The following APBA2 variants were observed in gnomAD, a reference collection of about 807,000 sequenced individuals.
The protein encoded by APBA2 is amyloid beta precursor protein binding family A member 2.
Under a neutral mutation model 75.0 loss-of-function variants are expected in APBA2, and 30 were observed. That is an observed-to-expected ratio of 0.40 (90% confidence interval 0.30 to 0.54). APBA2 has a LOEUF of 0.54. Ranked by LOEUF, APBA2 falls within the 20% of genes least tolerant of loss-of-function variation. The probability of loss-of-function intolerance (pLI) is 0.49; values close to 1 mark genes in which losing one functional copy is unlikely to be tolerated. For synonymous variants in APBA2, 444 were observed against 409.6 expected (o/e 1.08, Z -1.01); for missense variants, 801 against 1,016.1 (o/e 0.79, Z 2.88).
Position 29,054,335 on chromosome 15 carries a change from G to T in APBA2, c.451G>T (p.Gly151Cys). Reference sequence around the variant, plus strand: ...GGACTCGGCGGGCCCGCACCCCCACGGCCACGAGGCTGAAGGCAGCCAGGA... The same window carrying T: ...GGACTCGGCGGGCCCGCACCCCCACTGCCACGAGGCTGAAGGCAGCCAGGA... ...WTDSAGPHPH[G>C]HEAEGSQDYP... The change falls in exon 4 of 15, where the codon GGC becomes TGC. Residue 151 changes from glycine to cysteine, a missense_variant. Around this residue, in one of 2 missense-constraint regions of APBA2, gnomAD observed 434 missense variants for 471.6 expected, o/e 0.92. Transcript: ENST00000683413. This position sits in a 1 kb window ranked among gnomAD's most constrained non-coding sequence, Gnocchi z 6.1. The T allele has an allele frequency of 6.2e-7, 1 of 1,613,992 alleles. No homozygotes were observed. Among genetic ancestry groups the T allele is most frequent in the Non-Finnish European group, 8.5e-7 (1 of 1,180,002 alleles).
chr15:28,906,820 C>T (rs899408020), intron 1 of APBA2, among the ~76,000 whole-genome samples: 1 of 152,128 alleles, frequency 6.6e-6, no homozygotes, highest in African/African-American at 2.4e-5. Context: ...TCATCCTTGC[C>T]TCTTTTCCTC....
chr15:29,063,865 G>C (rs535420971), intron 4 of APBA2, among the ~76,000 whole-genome samples: 1 of 152,168 alleles, frequency 6.6e-6, no homozygotes, highest in Non-Finnish European at 1.5e-5. Flanking sequence ...ACACAAAGGA[G>C]GTGGTGAGCC....
chr15:29,083,526 T>G (rs2152935675), intron 6 of APBA2, among the ~76,000 whole-genome samples: 1 of 152,302 alleles, frequency 6.6e-6, no homozygotes, highest in South Asian at 2.1e-4. Flanking sequence ...CTGCAAACTC[T>G]TTTGTTTGTT....
chr15:28,997,521 G>A (rs1244154232), intron 3 of APBA2, among the ~76,000 whole-genome samples: 1 of 152,176 alleles, frequency 6.6e-6, no homozygotes, highest in Admixed American at 6.5e-5. Flanking sequence ...AGTAAGGACA[G>A]CTTATGAAGG....
At chr15:28,951,579 G>GTT (rs58321244) in intron 2 of APBA2, among the ~76,000 whole-genome samples, 68 of 151,480 alleles carry the variant, frequency 4.5e-4, no homozygotes, top group African/African-American at 1.3e-3. Flanking sequence ...ATCTCCCATA[G>GTT]TTTTTTTTTA....
chr15:28,928,995 G>A (rs758986399), intron 2 of APBA2, among the ~76,000 whole-genome samples: 4 of 152,090 alleles, frequency 2.6e-5, no homozygotes, highest in Non-Finnish European at 5.9e-5. Context: ...CAGGGGGGCG[G>A]GTTGCAAACT....
intron 3 of APBA2, among the ~76,000 whole-genome samples, chr15:28,997,203 G>A (rs751977407): frequency 1.5e-4 from 23 of 152,180 alleles, no homozygotes; most frequent in African/African-American, 5.3e-4. Context: ...GTGGCTCTCC[G>A]TGGAGGGAGC....
chr15:28,936,614 C>G (rs2034887256), intron 2 of APBA2, among the ~76,000 whole-genome samples: 2 of 152,238 alleles, frequency 1.3e-5, no homozygotes, highest in African/African-American at 4.8e-5. Context: ...CTTTGTTCCT[C>G]TCTATCACTG....
At chr15:29,103,949 G>A (rs1356197081) in intron 10 of APBA2, among the ~76,000 whole-genome samples, 5 of 152,214 alleles carry the variant, frequency 3.3e-5, no homozygotes, top group African/African-American at 1.2e-4. Flanking sequence ...CGGGCGTCGC[G>A]CCTCCAGCTG....
intron 6 of APBA2, among the ~76,000 whole-genome samples, chr15:29,087,458 C>T (rs191684726): frequency 9.0e-4 from 137 of 152,308 alleles, no homozygotes; most frequent in Non-Finnish European, 1.5e-3. Context: ...AAGTTCAACA[C>T]TGTGGAACCC....
intron 9 of APBA2, among the ~76,000 whole-genome samples, chr15:29,099,522 A>G (rs1307209307): frequency 6.6e-6 from 1 of 152,244 alleles, no homozygotes; most frequent in Non-Finnish European, 1.5e-5. Context: ...TCTGCCTGGC[A>G]GCTACCAAAA....
intron 13 of APBA2, 46 bp from the exon 14 acceptor site, chr15:29,113,830 C>T (rs375018148): frequency 1.6e-5 from 24 of 1,548,250 alleles, no homozygotes; most frequent in South Asian, 3.7e-5. Context: ...GAGCGCCTGT[C>T]GGGTGTGGCG....
intron 4 of APBA2, among the ~76,000 whole-genome samples, chr15:29,072,247 G>C (rs938659032): frequency 3.3e-5 from 5 of 152,170 alleles, no homozygotes; most frequent in African/African-American, 4.8e-5. Flanking sequence ...CCAGCAACTA[G>C]TAAGGCAGGG....
chr15:29,112,581 G>A (rs1178594639), intron 13 of APBA2, among the ~76,000 whole-genome samples: 1 of 152,176 alleles, frequency 6.6e-6, no homozygotes, highest in East Asian at 1.9e-4. Flanking sequence ...GGGTGGCGAA[G>A]GAGCTGCCTT....
At chr15:29,007,831 T>C (rs1021689053) in intron 3 of APBA2, among the ~76,000 whole-genome samples, 1 of 152,104 alleles carries the variant, frequency 6.6e-6, no homozygotes, top group African/African-American at 2.4e-5. Context: ...CCTCAAAAAA[T>C]TGAAAATAGA....
intron 9 of APBA2, among the ~76,000 whole-genome samples, chr15:29,098,960 CCT>C (rs1395681852): frequency 6.6e-6 from 1 of 152,016 alleles, no homozygotes; most frequent in Non-Finnish European, 1.5e-5. Flanking sequence ...CCTCACATAC[CCT>C]GATACGGGCA....
At chr15:29,075,959 C>A in intron 5 of APBA2, 96 bp from the exon 6 acceptor site, 1 of 1,143,244 alleles carries the variant, frequency 8.7e-7, no homozygotes. Context: ...TTGCTTTTCT[C>A]ATTATGGCTC....
intron 6 of APBA2, among the ~76,000 whole-genome samples, chr15:29,077,845 A>G (rs1277517207): frequency 6.6e-6 from 1 of 152,254 alleles, no homozygotes; most frequent in South Asian, 2.1e-4. Flanking sequence ...TTACTCAGCA[A>G]CAGGAAGAGA....
intron 2 of APBA2, among the ~76,000 whole-genome samples, chr15:28,994,213 T>G (rs768189644): frequency 4.9e-4 from 74 of 152,186 alleles, no homozygotes; most frequent in Middle Eastern, 6.8e-3. Context: ...ACCTTTGAAG[T>G]AGTTATTGGC....
Sources: allele counts gnomAD v4.1 joint callset (sites outside exome capture counted in the v4.1 genomes callset), GRCh38; gene constraint gnomAD v4.1.1; regional missense constraint gnomAD v4.1.1; non-coding constraint Gnocchi (gnomAD v3.1); transcripts MANE v1.5; gene names NCBI Gene and HGNC (gene_info 2026-07-23, HGNC 2026-07-21).